The following AR variants were observed in gnomAD, a reference collection of about 807,000 sequenced individuals.
AR encodes dihydrotestosterone receptor.
AR carries 8 observed loss-of-function variants against 53.9 expected under a neutral mutation model. That is an observed-to-expected ratio of 0.15 (90% CI 0.09 to 0.27). The LOEUF (loss-of-function observed/expected upper bound fraction) is 0.27, where lower values mean the gene tolerates loss of function less well. AR is among the 10% of genes least tolerant of loss of function. The pLI, the probability that AR is intolerant of heterozygous loss-of-function variation, is 1.00. For missense variants in AR, 639 were observed against 742.5 expected, an observed-to-expected ratio of 0.86 and a Z score of 1.62; for synonymous variants, 359 against 316.4, an observed-to-expected ratio of 1.13 and a Z score of -1.43.
chrX:67,568,901 G>A, intron 1 of AR: 1 of 1,206,172 alleles, frequency 8.3e-7, no homozygotes, highest in Middle Eastern at 2.3e-4. Context: ...CTATGCAAAT[G>A]CCTGCCTGAA....
intron 1 of AR, among the ~76,000 whole-genome samples, chrX:67,600,262 A>G (rs1228245678): frequency 4.5e-5 from 5 of 111,185 alleles, no homozygotes; most frequent in Non-Finnish European, 9.4e-5. Context: ...ATTTATAAAA[A>G]TATTATTTAA....
At chrX:67,571,700 T>A (rs1417499044) in intron 1 of AR, among the ~76,000 whole-genome samples, 1 of 111,510 alleles carries the variant, frequency 9.0e-6, no homozygotes, top group Non-Finnish European at 1.9e-5. Flanking sequence ...ATAATTTTTT[T>A]AATTGGCAAA....
chrX:67,581,445 A>G (rs1359676198), intron 1 of AR, among the ~76,000 whole-genome samples: 2 of 111,764 alleles, frequency 1.8e-5, no homozygotes, highest in Non-Finnish European at 3.8e-5. Flanking sequence ...TTTCAAACCT[A>G]TGAAGTTATA....
Position 67,720,879 on chromosome X carries a change from T to TACAC in AR, c.2319-927_2319-924dup, listed in dbSNP as rs113739371. Among the ~76,000 whole-genome samples the TACAC allele has an allele frequency of 5.0e-3, 501 of 100,791 alleles. 2 individuals carry two copies. Among genetic ancestry groups the TACAC allele is most frequent in the African/African-American group, 0.016 (434 of 27,602 alleles). 87.5% of individuals were successfully genotyped at this position (100,791 alleles called of 115,157 possible). A position where few individuals can be genotyped will look rare whatever the true frequency, so the allele number is the denominator to read the frequency against. ...CACGCTGCACAATCAATTTCTGTCTTACACACACACACACACACACACACA... is the reference window on the plus strand; with the variant it reads ...CACGCTGCACAATCAATTTCTGTCTTACACACACACACACACACACACACACACA... On this transcript the variant is annotated intron_variant, in intron 5 of 7. Transcript: ENST00000374690.
In AR at chrX:67,729,875, T is replaced by C. The variant is rs957738904; in HGVS notation, c.*6034T>C. Reference sequence around the variant, plus strand: ...GCCAGATTTGCATTATCTCACAACCTTAGCCCTTGGTGCTAACTGTCCTAC... The same window carrying C: ...GCCAGATTTGCATTATCTCACAACCCTAGCCCTTGGTGCTAACTGTCCTAC... On this transcript the variant is annotated 3_prime_UTR_variant, in exon 8 of 8. Transcript: ENST00000374690. The C allele has an allele frequency of 5.8e-6, 1 of 171,802 alleles. No individual in the cohort carries two copies. Among genetic ancestry groups the C allele is most frequent in the African/African-American group, 3.0e-5 (1 of 33,436 alleles). 14.2% of individuals were successfully genotyped at this position (171,802 alleles called of 1,213,427 possible).
intron 2 of AR, among the ~76,000 whole-genome samples, chrX:67,675,132 G>A (rs1270053361): frequency 9.1e-6 from 1 of 109,486 alleles, no homozygotes; most frequent in African/African-American, 3.3e-5. Flanking sequence ...ACTCTGCCTG[G>A]TGCCCTGTTC....
rs764739564 is a variant in AR at position 67,724,369 on chromosome X, G to C, written c.*528G>C. 1.1e-4 allele frequency: 19 copies of C among 176,578 alleles called. No individual in the cohort carries two copies. The highest frequency in any genetic ancestry group is 1.7e-4 in the Non-Finnish European group (16 of 93,574). The allele number at this position is 176,578 out of a possible 1,213,427, so 14.6% of individuals were successfully genotyped here. On this transcript the variant is annotated 3_prime_UTR_variant, in exon 8 of 8. Coordinates refer to ENST00000374690, the MANE Select transcript of AR (RefSeq NM_000044.6). The stretch of plus-strand genomic sequence containing the variant: ...AATAAATAAATAAATAAATAAATAC[G>C]TACATACATACACACATACATACAA...
intron 1 of AR, among the ~76,000 whole-genome samples, chrX:67,632,663 G>GA (rs1028455571): frequency 7.3e-4 from 81 of 110,481 alleles, no homozygotes; most frequent in African/African-American, 1.9e-3. Flanking sequence ...CTTGGCTCCA[G>GA]AAAAAAAAAT....
intron 1 of AR, among the ~76,000 whole-genome samples, chrX:67,576,605 A>T: frequency 9.0e-6 from 1 of 111,436 alleles, no homozygotes; most frequent in Non-Finnish European, 1.9e-5. Flanking sequence ...TAATACACTT[A>T]TCCACGTTTG....
At chrX:67,611,473 G>A (rs945502930) in intron 1 of AR, among the ~76,000 whole-genome samples, 2 of 111,368 alleles carry the variant, frequency 1.8e-5, no homozygotes, top group African/African-American at 6.5e-5. Context: ...CAGGAATTTA[G>A]CCTCTATTTA....
At chrX:67,574,921 A>T (rs977868647) in intron 1 of AR, among the ~76,000 whole-genome samples, 1 of 111,675 alleles carries the variant, frequency 9.0e-6, no homozygotes, top group Non-Finnish European at 1.9e-5. Flanking sequence ...GCAGCACCAA[A>T]CAGTAAGGAA....
chrX:67,695,540 G>T (rs1238653723), intron 3 of AR: 1 of 751,643 alleles, frequency 1.3e-6, no homozygotes, highest in Admixed American at 8.9e-5. Flanking sequence ...CTCAAATATT[G>T]TATTGATGTC....
intron 1 of AR, among the ~76,000 whole-genome samples, chrX:67,573,007 A>G (rs1329455658): frequency 1.8e-5 from 2 of 111,780 alleles, no homozygotes; most frequent in African/African-American, 6.5e-5. Flanking sequence ...ATGAAGACAC[A>G]GAGACATAAA....
intron 2 of AR, among the ~76,000 whole-genome samples, chrX:67,681,293 G>A (rs2075932383): frequency 9.0e-6 from 1 of 111,338 alleles, no homozygotes; most frequent in Non-Finnish European, 1.9e-5. Context: ...AGTCTCTTAG[G>A]TTATAGAGGA....
rs1220298346 is a variant in AR at position 67,728,622 on chromosome X, G to T, written c.*4781G>T. Reference sequence around the variant, plus strand: ...ATATATATATATATATATAGTGTGTGTGTGTGTTCTGATAGCTTTAACTTT... The same window carrying T: ...ATATATATATATATATATAGTGTGTTTGTGTGTTCTGATAGCTTTAACTTT... On this transcript the variant is annotated 3_prime_UTR_variant, in exon 8 of 8. Coordinates refer to ENST00000374690, the MANE Select transcript of AR (RefSeq NM_000044.6). The T allele has an allele frequency of 5.8e-5, 5 of 85,779 alleles. No homozygotes were observed. Among genetic ancestry groups the T allele is most frequent in the African/African-American group, 2.2e-4 (5 of 22,617 alleles). 7.1% of individuals were successfully genotyped at this position (85,779 alleles called of 1,213,427 possible).
At chrX:67,598,816 G>A (rs1923204157) in intron 1 of AR, among the ~76,000 whole-genome samples, 1 of 109,643 alleles carries the variant, frequency 9.1e-6, no homozygotes, top group African/African-American at 3.3e-5. Flanking sequence ...AAAGGTTTGA[G>A]GCAAAGAATG....
In AR at chrX:67,645,503, C is replaced by T. The variant is rs146964936; in HGVS notation, c.1768+2096C>T. Among the ~76,000 whole-genome samples the T allele has an allele frequency of 5.7e-3, 631 of 109,815 alleles. 7 individuals are homozygous for T. Among genetic ancestry groups the T allele is most frequent in the African/African-American group, 0.02 (598 of 30,142 alleles). ...CCAACTCACAGAACACACAGAAATCCAGCAAGGTTTCAAAACGCTCTACAC... is the reference window on the plus strand; with the variant it reads ...CCAACTCACAGAACACACAGAAATCTAGCAAGGTTTCAAAACGCTCTACAC... On this transcript the variant is annotated intron_variant, in intron 2 of 7. Transcript: ENST00000374690.
At chrX:67,560,055 T>A (rs2147336152) in intron 1 of AR, among the ~76,000 whole-genome samples, 1 of 111,886 alleles carries the variant, frequency 8.9e-6, no homozygotes, top group East Asian at 2.8e-4. Flanking sequence ...TACTTTCATA[T>A]GGTATGTAGT....
At chrX:67,646,793 A>G (rs1926079126) in intron 2 of AR, among the ~76,000 whole-genome samples, 1 of 111,051 alleles carries the variant, frequency 9.0e-6, no homozygotes, top group Non-Finnish European at 1.9e-5. Flanking sequence ...CGTTCTACAA[A>G]TTACAAACAT....
Sources: gnomAD v4.1 joint callset for allele counts (sites outside exome capture counted in the v4.1 genomes callset) on GRCh38, gnomAD v4.1.1 for gene constraint, MANE v1.5 for transcripts, NCBI Gene and HGNC (gene_info 2026-07-23, HGNC 2026-07-21) for gene names.